CLIC6: variants seen among roughly 807,000 people sequenced by gnomAD.
CLIC6 encodes chloride intracellular channel protein 6.
A neutral mutation model predicts 49.2 loss-of-function variants in CLIC6; 39 were observed. The ratio of observed to expected loss-of-function variants is 0.79; its 90% confidence interval spans 0.61 to 1.04. The LOEUF (loss-of-function observed/expected upper bound fraction) is 1.04, where lower values mean the gene tolerates loss of function less well. Among genes scored for constraint, CLIC6 ranks in the 50% least tolerant of loss-of-function variants. The probability of loss-of-function intolerance (pLI) is 0.00; values close to 1 mark genes in which losing one functional copy is unlikely to be tolerated. For missense variants in CLIC6, 988 were observed against 993.1 expected, an observed-to-expected ratio of 0.99 and a Z score of 0.07; for synonymous variants, 446 against 433.4, an observed-to-expected ratio of 1.03 and a Z score of -0.36.
rs1989500404 is a variant in CLIC6 at position 34,669,885 on chromosome 21, T to TG, written c.502dup (p.Asp168GlyfsTer128). The stretch of plus-strand genomic sequence containing the variant: ...GACAGCGTAGACGCGGAGGGCCCGC[T>TG]GGGGGACAACATAGAAGCGGAGGGC... On this transcript the variant is annotated frameshift_variant, in exon 1 of 6. Coordinates refer to ENST00000349499, the MANE Select transcript of CLIC6 (RefSeq NM_053277.3). LOFTEE classifies it high-confidence loss of function. 25 of 1,289,986 alleles carry TG rather than the reference T, an allele frequency of 1.9e-5. No individual in the cohort carries two copies. The highest frequency in any genetic ancestry group is 2.4e-5 in the Non-Finnish European group (24 of 1,019,804). The allele number at this position is 1,289,986 out of a possible 1,614,324, so 79.9% of individuals were successfully genotyped here.
intron 5 of CLIC6, among the ~76,000 whole-genome samples, chr21:34,711,524 CAAACAAATAAATAAATAAAT>C (rs1310359058): frequency 2.3e-5 from 3 of 130,812 alleles, no homozygotes; most frequent in African/African-American, 8.6e-5. Context: ...GTCAAATAAA[CAAACAAATAAATAAATAAAT>C]AAATAAATAA....
chr21:34,677,364 T>C (rs1989693331), intron 1 of CLIC6, among the ~76,000 whole-genome samples: 1 of 152,232 alleles, frequency 6.6e-6, no homozygotes, highest in Non-Finnish European at 1.5e-5. Flanking sequence ...TAAAGAATAC[T>C]TTTGCCCCAG....
chr21:34,686,460 C>G (rs1601268606), intron 1 of CLIC6, among the ~76,000 whole-genome samples: 1 of 152,116 alleles, frequency 6.6e-6, no homozygotes. Context: ...TTTGGCACAG[C>G]CTGGAATCAT....
chr21:34,670,424 G>GC lies in CLIC6; in HGVS notation c.1041dup (p.Gly348ArgfsTer63). 2.1e-6 allele frequency: 3 copies of GC among 1,461,414 alleles called. No individual in the cohort carries two copies. The highest frequency in any genetic ancestry group is 2.9e-5 in the South Asian group (2 of 69,810). The allele number at this position is 1,461,414 out of a possible 1,614,324, so 90.5% of individuals were successfully genotyped here. A position where few individuals can be genotyped will look rare whatever the true frequency, so the allele number is the denominator to read the frequency against. On this transcript the variant is annotated frameshift_variant, in exon 1 of 6. Transcript: ENST00000349499. LOFTEE classifies it high-confidence loss of function. ...GGGGGTAAAGGGGTCCGAAGAAGCG[G>GC]CCCCCGGGGACGCAAGGGCAGACGC...
rs183914556 is a variant in CLIC6 at position 34,670,016 on chromosome 21, A to G, written c.628A>G (p.Ile210Val). 3.3e-3 allele frequency: 3,865 copies of G among 1,178,936 alleles called. 205 individuals are homozygous for G. In the African/African-American group the frequency reaches 0.07, roughly 21 times the overall value. The allele number at this position is 1,178,936 out of a possible 1,614,324, so 73.0% of individuals were successfully genotyped here. A position where few individuals can be genotyped will look rare whatever the true frequency, so the allele number is the denominator to read the frequency against. ...CGCGGAGGGCCCGCTGGGGGACAAC[A>G]TACAAGCCGAGGGCCCGGCGGGGGA... ...VDAEGPLGDN[I>V]QAEGPAGDSV... Residue 210 changes from isoleucine to valine, a missense_variant, in exon 1 of 6, where the codon ATA becomes GTA. Around this residue, in one of 3 missense-constraint regions of CLIC6, gnomAD observed 57 missense variants for 117.6 expected, o/e 0.48. Transcript: ENST00000349499.
intron 1 of CLIC6, among the ~76,000 whole-genome samples, chr21:34,692,334 G>C (rs2834587): frequency 0.38 from 58,124 of 152,056 alleles, 12,180 homozygotes; most frequent in African/African-American, 0.55. Flanking sequence ...CACATATGTA[G>C]CTTGACGGAC....
intron 1 of CLIC6, among the ~76,000 whole-genome samples, chr21:34,694,440 G>A (rs920834389): frequency 5.9e-5 from 9 of 152,168 alleles, no homozygotes; most frequent in African/African-American, 1.9e-4. Context: ...CCAAGTAGCT[G>A]AGACCACAAG....
chr21:34,702,406 CGT>C (rs1038002087), intron 1 of CLIC6, among the ~76,000 whole-genome samples: 1 of 152,128 alleles, frequency 6.6e-6, no homozygotes, highest in Non-Finnish European at 1.5e-5. Flanking sequence ...AGGGCTCCCG[CGT>C]GTCTCTTTCA....
chr21:34,703,724 G>A (rs931198446), intron 1 of CLIC6, among the ~76,000 whole-genome samples: 5 of 152,122 alleles, frequency 3.3e-5, no homozygotes, highest in African/African-American at 4.8e-5. Flanking sequence ...CATACGACTC[G>A]GACCTTGGTG....
chr21:34,669,998 G>C lies in CLIC6; in HGVS notation c.610G>C (p.Gly204Arg). Residue 204 changes from glycine (G) to arginine (R), a missense_variant, in exon 1 of 6, where the codon GGC (glycine) becomes CGC (arginine). Physicochemically the swap from Gly to Arg is moderately radical, Grantham distance 125 (BLOSUM62 -2). This residue lies in a region of CLIC6 where 57 missense variants were observed against 117.6 expected (regional missense o/e 0.48). Transcript: ENST00000349499. The stretch of plus-strand genomic sequence containing the variant: ...GGCGGGGGACAGCGTAGACGCGGAG[G>C]GCCCGCTGGGGGACAACATACAAGC... ...GPAGDSVDAE[G>R]PLGDNIQAEG... The C allele has an allele frequency of 7.2e-7, 1 of 1,382,246 alleles. No individual in the cohort carries two copies. The highest frequency in any genetic ancestry group is 1.7e-5 in the South Asian group (1 of 59,934). 85.6% of individuals were successfully genotyped at this position (1,382,246 alleles called of 1,614,324 possible).
chr21:34,706,775 G>A (rs1054904088), intron 1 of CLIC6, among the ~76,000 whole-genome samples: 1 of 152,170 alleles, frequency 6.6e-6, no homozygotes, highest in Non-Finnish European at 1.5e-5. Flanking sequence ...TTGTGGTGTA[G>A]TATCTCAAGG....
At chr21:34,690,223 T>A (rs1989966158) in intron 1 of CLIC6, among the ~76,000 whole-genome samples, 1 of 152,122 alleles carries the variant, frequency 6.6e-6, no homozygotes. Context: ...TGCCTGGATA[T>A]CCAGCGGTGC....
intron 1 of CLIC6, among the ~76,000 whole-genome samples, chr21:34,697,852 G>A (rs1990114959): frequency 6.6e-6 from 1 of 152,236 alleles, no homozygotes; most frequent in Non-Finnish European, 1.5e-5. Context: ...TCCTTCAGGA[G>A]GAGTGGTTTT....
chr21:34,696,551 G>A (rs1337084006), intron 1 of CLIC6, among the ~76,000 whole-genome samples: 1 of 152,150 alleles, frequency 6.6e-6, no homozygotes, highest in Non-Finnish European at 1.5e-5. Flanking sequence ...TGTGACCTTG[G>A]ACAAGTTTCT....
chr21:34,698,438 G>C (rs1990128516), intron 1 of CLIC6, among the ~76,000 whole-genome samples: 1 of 151,444 alleles, frequency 6.6e-6, no homozygotes. Context: ...GGGAGATAGG[G>C]AAGGGAAGGA....
At chr21:34,713,149 T>C (rs1474057223) in intron 5 of CLIC6, among the ~76,000 whole-genome samples, 1 of 150,102 alleles carries the variant, frequency 6.7e-6, no homozygotes, top group East Asian at 2.0e-4. Context: ...AAGAAGGGGG[T>C]GGGGGGAGGA....
At chr21:34,691,563 A>AG (rs397794632) in intron 1 of CLIC6, among the ~76,000 whole-genome samples, 2 of 151,816 alleles carry the variant, frequency 1.3e-5, no homozygotes, top group African/African-American at 2.4e-5. Flanking sequence ...AAAAAAAAAA[A>AG]GGGAGTGTCG....
intron 1 of CLIC6, among the ~76,000 whole-genome samples, chr21:34,686,954 A>G (rs1196987915): frequency 3.3e-5 from 5 of 152,214 alleles, no homozygotes; most frequent in Admixed American, 3.3e-4. Flanking sequence ...GCCACACGGA[A>G]CAGAAGGATC....
At chr21:34,699,419 T>A (rs868177457) in intron 1 of CLIC6, among the ~76,000 whole-genome samples, 7,091 of 142,348 alleles carry the variant, frequency 0.05, 519 homozygotes, top group African/African-American at 0.18. Flanking sequence ...ACCTGGCTTT[T>A]TTTTTTTTTT....
Sources: allele counts gnomAD v4.1 joint callset (sites outside exome capture counted in the v4.1 genomes callset), GRCh38; gene constraint gnomAD v4.1.1; regional missense constraint gnomAD v4.1.1; transcripts MANE v1.5; gene names NCBI Gene and HGNC (gene_info 2026-07-23, HGNC 2026-07-21).